MEGF11: variants seen among roughly 807,000 people sequenced by gnomAD.
MEGF11 encodes multiple EGF like domains 11.
In MEGF11, 126 loss-of-function variants were observed where a neutral mutation model predicts 146.6. The observed-to-expected ratio is 0.86, with a 90% confidence interval of 0.74 to 1.00. The LOEUF (loss-of-function observed/expected upper bound fraction) is 1.00, where lower values mean the gene tolerates loss of function less well. Among genes scored for constraint, MEGF11 ranks in the 50% least tolerant of loss-of-function variants. MEGF11 has a pLI of 0.00. For synonymous variants in MEGF11, 532 were observed against 583.4 expected (o/e 0.91, Z 1.27); for missense variants, 1,509 against 1,521.2 (o/e 0.99, Z 0.13).
intron 1 of MEGF11, among the ~76,000 whole-genome samples, chr15:66,172,930 C>G (rs1469790522): frequency 6.6e-6 from 1 of 152,218 alleles, no homozygotes; most frequent in Admixed American, 6.5e-5. Flanking sequence ...TTTTCCGCGT[C>G]CCTTTTCTGT....
intron 1 of MEGF11, among the ~76,000 whole-genome samples, chr15:66,197,911 G>A (rs984054301): frequency 4.6e-5 from 7 of 152,126 alleles, no homozygotes; most frequent in African/African-American, 9.7e-5. Flanking sequence ...TTTGCCCACA[G>A]AACAAGTTAT....
intron 19 of MEGF11, 24 bp downstream of exon 19, chr15:65,915,446 G>C: frequency 6.2e-7 from 1 of 1,611,806 alleles, no homozygotes; most frequent in Non-Finnish European, 8.5e-7. Flanking sequence ...CACAGACCCC[G>C]GGGCTCTGCC....
chr15:65,955,823 A>AATATATATATATATATATATATATATAT lies in MEGF11; in HGVS notation c.1287+1723_1287+1724insATATATATATATATATATATATATATAT, dbSNP rs71139451. On this transcript the variant is annotated intron_variant, in intron 10 of 25. Transcript: ENST00000395614. ...ACACACACACACACACAATACTTTAAATATATAACATGTAATCAATATAAC... is the reference window on the plus strand; with the variant it reads ...ACACACACACACACACAATACTTTAAATATATATATATATATATATATATATATATATATAACATGTAATCAATATAAC... 5.2e-3 allele frequency among the ~76,000 whole-genome samples: 208 copies of AATATATATATATATATATATATATATAT among 40,140 alleles called. 12 individuals carry two copies. The highest frequency in any genetic ancestry group is 0.011 in the African/African-American group (107 of 10,062). 26.3% of individuals were successfully genotyped at this position (40,140 alleles called of 152,430 possible). A position where few individuals can be genotyped will look rare whatever the true frequency, so the allele number is the denominator to read the frequency against.
intron 5 of MEGF11, among the ~76,000 whole-genome samples, chr15:65,988,244 TC>T (rs2081931871): frequency 6.6e-6 from 1 of 151,192 alleles, no homozygotes; most frequent in African/African-American, 2.4e-5. Flanking sequence ...CCTGGGCTCA[TC>T]GATCTACCTG....
intron 10 of MEGF11, among the ~76,000 whole-genome samples, chr15:65,949,344 C>T (rs982542047): frequency 6.6e-6 from 1 of 152,194 alleles, no homozygotes; most frequent in African/African-American, 2.4e-5. Flanking sequence ...CTGGTCAGAA[C>T]AGCTGAGGTT....
intron 1 of MEGF11, among the ~76,000 whole-genome samples, chr15:66,133,167 A>G (rs2140979322): frequency 6.6e-6 from 1 of 152,324 alleles, no homozygotes; most frequent in South Asian, 2.1e-4. Flanking sequence ...GTGGCATCAG[A>G]TACTGTACAG....
At chr15:66,128,804 T>A (rs2088511809) in intron 1 of MEGF11, among the ~76,000 whole-genome samples, 1 of 152,140 alleles carries the variant, frequency 6.6e-6, no homozygotes, top group Non-Finnish European at 1.5e-5. Flanking sequence ...CATTCCCTTA[T>A]CCCTCATCAT....
At chr15:66,055,096 C>A (rs1221639485) in intron 5 of MEGF11, among the ~76,000 whole-genome samples, 1 of 152,156 alleles carries the variant, frequency 6.6e-6, no homozygotes, top group East Asian at 1.9e-4. Flanking sequence ...AAAGACTAAC[C>A]AAGTTAGCTC....
intron 1 of MEGF11, among the ~76,000 whole-genome samples, chr15:66,200,976 C>A (rs926329318): frequency 1.8e-4 from 27 of 152,150 alleles, no homozygotes; most frequent in African/African-American, 6.0e-4. Context: ...AGACACGAGC[C>A]CAAGGCCAGA....
In MEGF11 at chr15:65,918,011, A is replaced by G. The variant is rs772092634; in HGVS notation, c.2041T>C (p.Ser681Pro). ...ATCCATCCAGGAAAGCACTGGCAGG[A>G]GCCATCGATAGGGCTGCAGGTCCCG... Reference protein sequence around the residue: ...NNGTCSPIDGSCQCFPGWIGK... With the variant: ...NNGTCSPIDGPCQCFPGWIGK... The change falls in exon 16 of 26, where the codon TCC becomes CCC. Residue 681 changes from serine to proline, a missense_variant. Physicochemically the swap from Ser to Pro is moderately conservative, Grantham distance 74 (BLOSUM62 -1). Coordinates refer to ENST00000395614, the MANE Select transcript of MEGF11 (RefSeq NM_001385028.1). 1.2e-6 allele frequency: 2 copies of G among 1,613,900 alleles called. No individual in the cohort carries two copies. Among genetic ancestry groups the G allele is most frequent in the Non-Finnish European group, 1.7e-6 (2 of 1,179,888 alleles).
At chr15:66,181,063 G>C (rs1435747416) in intron 1 of MEGF11, among the ~76,000 whole-genome samples, 1 of 152,210 alleles carries the variant, frequency 6.6e-6, no homozygotes, top group Non-Finnish European at 1.5e-5. Context: ...TTAAGCATTT[G>C]CTCCTTTTCC....
intron 1 of MEGF11, among the ~76,000 whole-genome samples, chr15:66,147,910 T>C (rs2089432834): frequency 6.6e-6 from 1 of 152,202 alleles, no homozygotes; most frequent in African/African-American, 2.4e-5. Flanking sequence ...TGCTCATTAA[T>C]AGGGGAATGA....
chr15:66,119,047 T>G (rs1180457014), intron 4 of MEGF11, 39 bp downstream of exon 4: 3 of 987,454 alleles, frequency 3.0e-6, no homozygotes, highest in Non-Finnish European at 4.4e-6. Context: ...CTCTCCTCCC[T>G]TCCCCACTGA....
At chr15:66,060,931 C>A (rs568454795) in intron 5 of MEGF11, among the ~76,000 whole-genome samples, 1 of 152,350 alleles carries the variant, frequency 6.6e-6, no homozygotes, top group Admixed American at 6.5e-5. Flanking sequence ...GGCAAACCCA[C>A]CTGCTGTGCC....
rs28575490 is a variant in MEGF11 at position 65,959,505 on chromosome 15, G to T, written c.1113-1784C>A. On this transcript the variant is annotated intron_variant, in intron 9 of 25. Coordinates refer to ENST00000395614, the MANE Select transcript of MEGF11 (RefSeq NM_001385028.1). ...AAGATGCTTTAAAATGCTGGTAAAGGTTTCAAAACAATCTGAGGCTACATA... is the reference window on the plus strand; with the variant it reads ...AAGATGCTTTAAAATGCTGGTAAAGTTTTCAAAACAATCTGAGGCTACATA... Among the ~76,000 whole-genome samples, 1,392 of 152,220 alleles carry T rather than the reference G, an allele frequency of 9.1e-3. 20 individuals carry two copies. Among genetic ancestry groups the T allele is most frequent in the African/African-American group, 0.03 (1,246 of 41,528 alleles).
At chr15:66,138,664 C>T (rs147153346) in intron 1 of MEGF11, among the ~76,000 whole-genome samples, 331 of 152,248 alleles carry the variant, frequency 2.2e-3, no homozygotes, top group Non-Finnish European at 4.1e-3. Flanking sequence ...GAGTCCTAAT[C>T]CCAGCTCTGC....
At chr15:65,967,088 C>G (rs900217873) in intron 8 of MEGF11, 1 of 152,170 alleles carries the variant, frequency 6.6e-6, no homozygotes, top group African/African-American at 2.4e-5. Flanking sequence ...CTCTGACATC[C>G]TCTTCTTTTT....
chr15:66,041,857 T>A (rs1281038256), intron 5 of MEGF11, among the ~76,000 whole-genome samples: 4 of 152,156 alleles, frequency 2.6e-5, no homozygotes. Context: ...GTAGCTAAGT[T>A]ACGTGCTCAA....
intron 5 of MEGF11, among the ~76,000 whole-genome samples, chr15:66,019,335 C>T (rs967245316): frequency 3.9e-5 from 6 of 152,192 alleles, no homozygotes; most frequent in African/African-American, 1.2e-4. Context: ...CTGTGGCCCC[C>T]AAATCAAATC....
Sources: gnomAD v4.1 joint callset for allele counts (sites outside exome capture counted in the v4.1 genomes callset) on GRCh38, gnomAD v4.1.1 for gene constraint, MANE v1.5 for transcripts, NCBI Gene and HGNC (gene_info 2026-07-23, HGNC 2026-07-21) for gene names.